Variants in CUX2 observed in about 807,000 individuals in gnomAD.
The protein encoded by CUX2 is homeobox protein cut-like 2.
A neutral mutation model predicts 144.8 loss-of-function variants in CUX2; 40 were observed. The observed-to-expected ratio is 0.28, with a 90% confidence interval of 0.21 to 0.36. The LOEUF is 0.36. Ranked by LOEUF, CUX2 falls within the 10% of genes least tolerant of loss-of-function variation. CUX2 has a pLI of 1.00. For missense variants in CUX2, 1,615 were observed against 1,994.0 expected (o/e 0.81, Z 3.62); for synonymous variants, 827 against 875.6 (o/e 0.94, Z 0.98).
rs78746579 is a variant in CUX2, at chr12:111,263,186, A to T, written c.223-575A>T. On this transcript the variant is annotated intron_variant, in intron 3 of 21. Transcript: ENST00000261726. The surrounding 1 kb of genome is among the most constrained non-coding windows in gnomAD (Gnocchi z 4.0). ...CCCATGTTTGCACAAGTAGAAAATGACTAAGGCCAGGTGCGGTGGTGGCCT... is the reference window on the plus strand; with the variant it reads ...CCCATGTTTGCACAAGTAGAAAATGTCTAAGGCCAGGTGCGGTGGTGGCCT... Among the ~76,000 whole-genome samples the T allele has an allele frequency of 0.019, 2,945 of 152,268 alleles. 44 individuals are homozygous for T. The highest frequency in any genetic ancestry group is 0.041 in the Middle Eastern group (12 of 294).
intron 1 of CUX2, among the ~76,000 whole-genome samples, chr12:111,139,811 T>C (rs1425551261): frequency 6.6e-6 from 1 of 152,204 alleles, no homozygotes; most frequent in East Asian, 1.9e-4. Flanking sequence ...GCCTACTGTG[T>C]CAAAGGTGGT....
intron 4 of CUX2, among the ~76,000 whole-genome samples, chr12:111,280,220 C>T (rs529668291): frequency 5.9e-5 from 9 of 151,352 alleles, no homozygotes; most frequent in Non-Finnish European, 5.9e-5. Flanking sequence ...ACCCGGGAGA[C>T]GGAGGTTGCA....
At chr12:111,121,068 A>T (rs906268751) in intron 1 of CUX2, among the ~76,000 whole-genome samples, 1 of 150,942 alleles carries the variant, frequency 6.6e-6, no homozygotes. Flanking sequence ...AGTTTATTTC[A>T]GACATAAGCA....
At chr12:111,144,052 C>A (rs150035751) in intron 1 of CUX2, among the ~76,000 whole-genome samples, 66 of 152,308 alleles carry the variant, frequency 4.3e-4, no homozygotes, top group African/African-American at 1.6e-3. Context: ...ATTGCTCAGG[C>A]CTGTGTGACA....
intron 1 of CUX2, among the ~76,000 whole-genome samples, chr12:111,155,245 T>C (rs1301576121): frequency 6.6e-6 from 1 of 152,150 alleles, no homozygotes; most frequent in Non-Finnish European, 1.5e-5. Flanking sequence ...ATTTTCCTCA[T>C]CTGTCAAATG....
At chr12:111,330,153 C>T (rs1451566508) in intron 18 of CUX2, among the ~76,000 whole-genome samples, 1 of 152,196 alleles carries the variant, frequency 6.6e-6, no homozygotes, top group Non-Finnish European at 1.5e-5. Context: ...GCTGGGGGCA[C>T]AGTAGACTTC....
chr12:111,087,617 C>T (rs575749546), intron 1 of CUX2, among the ~76,000 whole-genome samples: 2 of 152,114 alleles, frequency 1.3e-5, no homozygotes, highest in Non-Finnish European at 2.9e-5. Flanking sequence ...GCTGTAGAGT[C>T]GACTTAGCCA....
At chr12:111,075,371 T>C (rs1051753474) in intron 1 of CUX2, among the ~76,000 whole-genome samples, 1 of 152,102 alleles carries the variant, frequency 6.6e-6, no homozygotes, top group Non-Finnish European at 1.5e-5. Context: ...ATTTATTATT[T>C]AAGGGAGGAT....
rs1887560155 is a variant in CUX2 at position 111,322,040 on chromosome 12, G to A, written c.2767-381G>A. Among the ~76,000 whole-genome samples the A allele has an allele frequency of 1.3e-5, 2 of 152,024 alleles. No homozygotes were observed. Among genetic ancestry groups the A allele is most frequent in the Non-Finnish European group, 2.9e-5 (2 of 67,998 alleles). On this transcript the variant is annotated intron_variant, in intron 17 of 21. Transcript: ENST00000261726. This position sits in a 1 kb window ranked among gnomAD's most constrained non-coding sequence, Gnocchi z 4.2. The stretch of plus-strand genomic sequence containing the variant: ...AGGGGAGGGGAGGGGATGGGAGGCT[G>A]GGCATGGTGGCTCACACCTATAATC...
intron 3 of CUX2, among the ~76,000 whole-genome samples, chr12:111,238,687 A>G (rs1027702242): frequency 1.3e-5 from 2 of 151,892 alleles, no homozygotes; most frequent in African/African-American, 4.9e-5. Flanking sequence ...TACATAACCT[A>G]GTTTTTATGT....
intron 1 of CUX2, among the ~76,000 whole-genome samples, chr12:111,175,991 T>C (rs1469837403): frequency 2.0e-5 from 3 of 150,994 alleles, no homozygotes; most frequent in East Asian, 1.9e-4. Context: ...TTTCCCTAGA[T>C]TGGGGGGAGA....
At chr12:111,237,151 TA>T (rs1882796473) in intron 3 of CUX2, among the ~76,000 whole-genome samples, 1 of 152,044 alleles carries the variant, frequency 6.6e-6, no homozygotes, top group African/African-American at 2.4e-5. Context: ...CCTGTCTCTG[TA>T]AACAATAATA....
At chr12:111,180,300 C>G (rs1003907379) in intron 1 of CUX2, among the ~76,000 whole-genome samples, 1 of 152,204 alleles carries the variant, frequency 6.6e-6, no homozygotes, top group African/African-American at 2.4e-5. Context: ...GAATCACCTT[C>G]CACTTCTCCA....
intron 1 of CUX2, among the ~76,000 whole-genome samples, chr12:111,212,156 T>C (rs1881270421): frequency 6.6e-6 from 1 of 152,198 alleles, no homozygotes; most frequent in Non-Finnish European, 1.5e-5. Flanking sequence ...ATCTCTCCTG[T>C]CACTGGATAT....
At chr12:111,198,873 G>T (rs971356639) in intron 1 of CUX2, among the ~76,000 whole-genome samples, 2 of 152,196 alleles carry the variant, frequency 1.3e-5, no homozygotes, top group Admixed American at 1.3e-4. Context: ...GCAGAGAGGG[G>T]CCCCCCTAAG....
intron 1 of CUX2, among the ~76,000 whole-genome samples, chr12:111,208,564 T>C (rs1230302813): frequency 6.6e-6 from 1 of 152,200 alleles, no homozygotes; most frequent in Non-Finnish European, 1.5e-5. Context: ...TCCAACCTCT[T>C]AACTATGTGT....
rs869307048 is a variant in CUX2, at chr12:111,115,279, CTTTTTTTTTTT to C, written c.63+81053_63+81063del. ...GATCAATTTGGAGATAATAAAATTTCTTTTTTTTTTTTTTTTTTTTTTTTGAGATAGAGTCT... is the reference window on the plus strand; with the variant it reads ...GATCAATTTGGAGATAATAAAATTTCTTTTTTTTTTTTTGAGATAGAGTCT... On this transcript the variant is annotated intron_variant, in intron 1 of 21. Transcript: ENST00000261726. Among the ~76,000 whole-genome samples, 391 of 88,774 alleles carry C rather than the reference CTTTTTTTTTTT, an allele frequency of 4.4e-3. 2 individuals are homozygous for C. Among genetic ancestry groups the C allele is most frequent in the Admixed American group, 0.011 (79 of 7,208 alleles). 58.2% of individuals were successfully genotyped at this position (88,774 alleles called of 152,430 possible).
At chr12:111,159,552 C>T (rs114424563) in intron 1 of CUX2, among the ~76,000 whole-genome samples, 2 of 152,126 alleles carry the variant, frequency 1.3e-5, no homozygotes, top group Non-Finnish European at 2.9e-5. Context: ...TTTAAGGATG[C>T]ATTATTTCAT....
intron 3 of CUX2, among the ~76,000 whole-genome samples, chr12:111,221,456 C>T (rs1881854761): frequency 6.6e-6 from 1 of 152,158 alleles, no homozygotes; most frequent in Non-Finnish European, 1.5e-5. Flanking sequence ...TTGCAATCCA[C>T]CAGGCTCTGG....
Sources: gnomAD v4.1 joint callset for allele counts (sites outside exome capture counted in the v4.1 genomes callset) on GRCh38, gnomAD v4.1.1 for gene constraint, Gnocchi (gnomAD v3.1) non-coding constraint, MANE v1.5 for transcripts, NCBI Gene and HGNC (gene_info 2026-07-23, HGNC 2026-07-21) for gene names.